TRPC4AP: variants seen among roughly 807,000 people sequenced by gnomAD.
The protein encoded by TRPC4AP is short transient receptor potential channel 4-associated protein.
Under a neutral mutation model 99.0 loss-of-function variants are expected in TRPC4AP, and 45 were observed. The observed-to-expected ratio is 0.45, with a 90% CI of 0.36 to 0.58. The LOEUF is 0.58. Among genes scored for constraint, TRPC4AP ranks in the 20% least tolerant of loss-of-function variants. The pLI is 0.00. For missense variants in TRPC4AP, 879 were observed against 985.3 expected, an observed-to-expected ratio of 0.89 and a Z score of 1.44; for synonymous variants, 408 against 385.8, an observed-to-expected ratio of 1.06 and a Z score of -0.67.
chr20:35,055,121 T>C (rs1400386585), intron 4 of TRPC4AP, 90 bp from the exon 5 acceptor site: 1 of 1,125,924 alleles, frequency 8.9e-7, no homozygotes, highest in Non-Finnish European at 1.3e-6. Context: ...AGAACTGTTA[T>C]AATCCCCTCC....
intron 5 of TRPC4AP, among the ~76,000 whole-genome samples, chr20:35,051,600 G>A (rs562492217): frequency 2.7e-5 from 4 of 147,380 alleles, no homozygotes; most frequent in Admixed American, 1.4e-4. Context: ...TTCTTCAGTC[G>A]TAGCACTGAC....
intron 6 of TRPC4AP, among the ~76,000 whole-genome samples, chr20:35,048,947 A>C (rs1450977752): frequency 6.6e-6 from 1 of 152,218 alleles, no homozygotes; most frequent in Non-Finnish European, 1.5e-5. Context: ...GGGCAATGAC[A>C]AGCAAGGCCT....
At chr20:35,027,205 TGCCCTTTAACAG>T (rs1400871981) in intron 8 of TRPC4AP, among the ~76,000 whole-genome samples, 5 of 152,230 alleles carry the variant, frequency 3.3e-5, no homozygotes, top group African/African-American at 4.8e-5. Flanking sequence ...TTTTTGTAGA[TGCCCTTTAACAG>T]GCTGAGGAAG....
intron 9 of TRPC4AP, among the ~76,000 whole-genome samples, chr20:35,020,471 T>G (rs2082859359): frequency 6.6e-6 from 1 of 152,070 alleles, no homozygotes; most frequent in Non-Finnish European, 1.5e-5. Context: ...CCTGGTACAC[T>G]CTTTCATTCT....
intron 2 of TRPC4AP, among the ~76,000 whole-genome samples, chr20:35,077,045 G>A (rs1319926487): frequency 2.0e-5 from 3 of 152,196 alleles, no homozygotes; most frequent in Admixed American, 6.5e-5. Flanking sequence ...GGCTCCGTGG[G>A]CATGGGACCC....
rs4616 is a variant in TRPC4AP at position 35,002,555 on chromosome 20, C to T, written c.*591G>A. The T allele has an allele frequency of 0.38, 82,366 of 214,060 alleles. 18,313 individuals are homozygous for T. The highest frequency in any genetic ancestry group is 0.59 in the East Asian group (5,793 of 9,770). 13.3% of individuals were successfully genotyped at this position (214,060 alleles called of 1,614,324 possible). On this transcript the variant is annotated 3_prime_UTR_variant, in exon 19 of 19. Transcript: ENST00000252015. ...AGGGCAGGCACAGCTGCCCCGTGCC[C>T]CAAGGGATGGAGGGAAAGGCCCCTC... is the stretch of plus-strand genomic sequence containing the variant.
intron 1 of TRPC4AP, among the ~76,000 whole-genome samples, chr20:35,090,321 T>A (rs1346162686): frequency 1.3e-5 from 2 of 148,554 alleles, no homozygotes; most frequent in Non-Finnish European, 3.0e-5. Context: ...GTTACCACAA[T>A]AACCTGCCTT....
At chr20:35,030,478 TTGTGCATATTGTATC>T (rs1227564756) in intron 8 of TRPC4AP, 2 of 152,198 alleles carry the variant, frequency 1.3e-5, no homozygotes, top group Non-Finnish European at 2.9e-5. Flanking sequence ...TGTGCTGTAA[TTGTGCATATTGTATC>T]TATGTATGTT....
chr20:35,053,449 T>C (rs1263705635), intron 5 of TRPC4AP, among the ~76,000 whole-genome samples: 2 of 152,224 alleles, frequency 1.3e-5, no homozygotes, highest in East Asian at 1.9e-4. Context: ...TTGCCAAAGA[T>C]GGAGTCATTA....
rs765640988 is a variant in TRPC4AP at position 35,050,001 on chromosome 20, CAAG to C, written c.529-10_529-8del. The C allele has an allele frequency of 3.1e-6, 5 of 1,611,924 alleles. No homozygotes were observed. In the African/African-American group the frequency reaches 5.3e-5, roughly 17 times the overall value. On this transcript the variant is annotated splice_polypyrimidine_tract_variant and splice_region_variant and intron_variant, in intron 5 of 18. Transcript: ENST00000252015. The stretch of plus-strand genomic sequence containing the variant: ...GCTTTGTAACTCCCTCTGTCTGTCA[CAAG>C]AAGAAAAGGCAGAATAGGTTGTAAG...
intron 9 of TRPC4AP, among the ~76,000 whole-genome samples, chr20:35,017,087 A>G (rs2147286854): frequency 6.6e-6 from 1 of 152,354 alleles, no homozygotes; most frequent in Non-Finnish European, 1.5e-5. Flanking sequence ...ACTAAATGAT[A>G]TATATTTACA....
intron 3 of TRPC4AP, among the ~76,000 whole-genome samples, chr20:35,058,390 C>G (rs1053543222): frequency 6.6e-6 from 1 of 152,144 alleles, no homozygotes; most frequent in Non-Finnish European, 1.5e-5. Context: ...TTCTCCAGGA[C>G]AGATCAAATT....
intron 1 of TRPC4AP, among the ~76,000 whole-genome samples, chr20:35,090,672 C>T (rs1232149039): frequency 6.6e-6 from 1 of 152,166 alleles, no homozygotes; most frequent in Non-Finnish European, 1.5e-5. Context: ...CTGTGCCCAG[C>T]CTCTGGTGGG....
chr20:35,075,081 C>T (rs1440380379), intron 2 of TRPC4AP, among the ~76,000 whole-genome samples: 4 of 131,228 alleles, frequency 3.0e-5, no homozygotes, highest in African/African-American at 1.0e-4. Flanking sequence ...GATTGCAACC[C>T]CTGCTTTTTT....
At chr20:35,010,707 T>C (rs752274327) in intron 11 of TRPC4AP, among the ~76,000 whole-genome samples, 1 of 152,146 alleles carries the variant, frequency 6.6e-6, no homozygotes, top group African/African-American at 2.4e-5. Context: ...ACTGTGACAC[T>C]TCCCCCGACT....
intron 6 of TRPC4AP, among the ~76,000 whole-genome samples, chr20:35,048,830 A>G (rs2083623533): frequency 6.6e-6 from 1 of 152,162 alleles, no homozygotes; most frequent in African/African-American, 2.4e-5. Flanking sequence ...TGGAACACAC[A>G]ATTACTGGAA....
At chr20:35,038,643 T>C (rs978057832) in intron 7 of TRPC4AP, among the ~76,000 whole-genome samples, 2 of 152,172 alleles carry the variant, frequency 1.3e-5, no homozygotes, top group Non-Finnish European at 2.9e-5. Flanking sequence ...CGTCCCATGA[T>C]TGGGCATGTA....
intron 6 of TRPC4AP, among the ~76,000 whole-genome samples, chr20:35,049,648 T>A (rs377630705): frequency 6.6e-5 from 10 of 152,342 alleles, no homozygotes; most frequent in African/African-American, 2.4e-4. Context: ...TTCTGAGTTT[T>A]AGAATTAGTT....
intron 1 of TRPC4AP, among the ~76,000 whole-genome samples, chr20:35,080,595 G>A (rs1388817638): frequency 6.7e-6 from 1 of 149,906 alleles, no homozygotes; most frequent in Non-Finnish European, 1.5e-5. Flanking sequence ...TATATTGTCT[G>A]ATTCTATTAA....
Sources: gnomAD v4.1 joint callset for allele counts (sites outside exome capture counted in the v4.1 genomes callset) on GRCh38, gnomAD v4.1.1 for gene constraint, MANE v1.5 for transcripts, NCBI Gene and HGNC (gene_info 2026-07-23, HGNC 2026-07-21) for gene names.